SMARCC1: variants seen among roughly 807,000 people sequenced by gnomAD.
SMARCC1 encodes SWI/SNF complex subunit SMARCC1.
SMARCC1 carries 43 observed loss-of-function variants against 147.4 expected under a neutral mutation model. The observed-to-expected ratio is 0.29, with a 90% confidence interval of 0.23 to 0.38. The LOEUF (loss-of-function observed/expected upper bound fraction) is 0.38, where lower values mean the gene tolerates loss of function less well. Among genes scored for constraint, SMARCC1 ranks in the 10% least tolerant of loss-of-function variants. The pLI is 1.00. For synonymous variants in SMARCC1, 495 were observed against 484.4 expected (o/e 1.02, Z -0.29); for missense variants, 1,119 against 1,381.1 (o/e 0.81, Z 3.01).
intron 9 of SMARCC1, among the ~76,000 whole-genome samples, chr3:47,708,083 C>CTTTTTTTCTTTTTTTTTTTTT (rs1559650534): frequency 4.7e-5 from 3 of 64,270 alleles, no homozygotes; most frequent in African/African-American, 1.3e-4. Context: ...AATTTTTTTT[C>CTTTTTTTCTTTTTTTTTTTTT]TTTTTTTTTT....
chr3:47,687,327 T>C (rs1470916353), intron 13 of SMARCC1, among the ~76,000 whole-genome samples: 2 of 152,242 alleles, frequency 1.3e-5, no homozygotes, highest in South Asian at 2.1e-4. Context: ...TTAGTTAATA[T>C]ATTTTTGTGT....
chr3:47,661,479 C>G (rs761957646), intron 20 of SMARCC1, 24 bp from the exon 21 acceptor site: 139 of 1,586,028 alleles, frequency 8.8e-5, no homozygotes, highest in Non-Finnish European at 1.1e-4. Flanking sequence ...AAAAATGGAA[C>G]AGCAATCTAA....
chr3:47,693,441 C>T, intron 11 of SMARCC1, 141 bp from the exon 12 acceptor site: 1 of 606,676 alleles, frequency 1.6e-6, no homozygotes. Flanking sequence ...AGGTAAAAAT[C>T]ATAAGCCCAG....
rs2032083833 is a variant in SMARCC1, at chr3:47,587,165, T to G, written c.*1044A>C. The G allele has an allele frequency of 6.6e-6, 1 of 152,632 alleles. No homozygotes were observed. The highest frequency in any genetic ancestry group is 1.5e-5 in the Non-Finnish European group (1 of 68,042). 9.5% of individuals were successfully genotyped at this position (152,632 alleles called of 1,614,324 possible). Reference sequence around the variant, plus strand: ...CCCTGGCTACTGTAACAAGAGGTAGTTTGGGGACTTGTACCCCCAGCCATC... The same window carrying G: ...CCCTGGCTACTGTAACAAGAGGTAGGTTGGGGACTTGTACCCCCAGCCATC... On this transcript the variant is annotated 3_prime_UTR_variant, in exon 28 of 28. Transcript: ENST00000254480.
intron 7 of SMARCC1, among the ~76,000 whole-genome samples, chr3:47,718,300 C>G (rs944149630): frequency 2.0e-5 from 3 of 151,918 alleles, no homozygotes. Context: ...CAGAAATTAG[C>G]CAGGTGTGGT....
chr3:47,612,301 CT>C (rs1311974730), intron 25 of SMARCC1, among the ~76,000 whole-genome samples: 1 of 152,174 alleles, frequency 6.6e-6, no homozygotes, highest in African/African-American at 2.4e-5. Context: ...GAATTTAGGA[CT>C]CTGAATTTGC....
At chr3:47,710,880 GA>G in intron 8 of SMARCC1, 72 bp from the exon 9 acceptor site, 3 of 1,248,188 alleles carry the variant, frequency 2.4e-6, no homozygotes, top group Admixed American at 2.6e-5. Flanking sequence ...TATTGAGAAG[GA>G]AACAAGCTGA....
At chr3:47,655,692 C>T (rs1252617310) in intron 21 of SMARCC1, among the ~76,000 whole-genome samples, 1 of 151,976 alleles carries the variant, frequency 6.6e-6, no homozygotes, top group Non-Finnish European at 1.5e-5. Flanking sequence ...CAGAGCGAGA[C>T]TCTGTCTCAA....
chr3:47,635,869 A>G (rs1249298808), intron 23 of SMARCC1, among the ~76,000 whole-genome samples, 153 bp downstream of exon 23: 1 of 152,230 alleles, frequency 6.6e-6, no homozygotes, highest in African/African-American at 2.4e-5. Context: ...TAGTATTAGC[A>G]CCTATCTGAA....
intron 2 of SMARCC1, among the ~76,000 whole-genome samples, chr3:47,760,950 T>C (rs1009315721): frequency 6.6e-6 from 1 of 151,996 alleles, no homozygotes; most frequent in African/African-American, 2.4e-5. Flanking sequence ...CTAGCCAACA[T>C]GGTGAAACCC....
intron 6 of SMARCC1, among the ~76,000 whole-genome samples, chr3:47,727,408 G>A (rs1408235653): frequency 1.3e-5 from 2 of 151,842 alleles, no homozygotes; most frequent in East Asian, 1.9e-4. Flanking sequence ...TTAGGAGGCT[G>A]AGGCAGGAGA....
At chr3:47,643,752 T>C (rs1482737728) in intron 21 of SMARCC1, among the ~76,000 whole-genome samples, 2 of 152,142 alleles carry the variant, frequency 1.3e-5, no homozygotes, top group African/African-American at 4.8e-5. Flanking sequence ...AGAGAAGATA[T>C]GGAAGGAACA....
chr3:47,780,177 T>TTG (rs1553693503), intron 1 of SMARCC1, among the ~76,000 whole-genome samples: 10 of 136,614 alleles, frequency 7.3e-5, no homozygotes, highest in South Asian at 4.8e-4. Flanking sequence ...TGTTTTTTTT[T>TTG]TTTTTTTTTT....
At chr3:47,612,696 T>C (rs2032579641) in intron 25 of SMARCC1, among the ~76,000 whole-genome samples, 1 of 151,882 alleles carries the variant, frequency 6.6e-6, no homozygotes, top group African/African-American at 2.4e-5. Flanking sequence ...CTTTATTTTC[T>C]GAGTTTCATC....
chr3:47,639,452 G>A (rs1384119307), intron 21 of SMARCC1, among the ~76,000 whole-genome samples: 1 of 152,172 alleles, frequency 6.6e-6, no homozygotes, highest in Non-Finnish European at 1.5e-5. Context: ...GGCCGCTCAT[G>A]CCTGTAATCC....
chr3:47,671,331 T>C (rs2033499665), intron 18 of SMARCC1, among the ~76,000 whole-genome samples: 1 of 152,160 alleles, frequency 6.6e-6, no homozygotes, highest in Non-Finnish European at 1.5e-5. Context: ...ATTGTTTTAC[T>C]GCATACCATA....
intron 26 of SMARCC1, among the ~76,000 whole-genome samples, chr3:47,608,874 A>C (rs934880470): frequency 7.4e-6 from 1 of 134,476 alleles, no homozygotes; most frequent in South Asian, 2.4e-4. Context: ...AAAAAAAAAA[A>C]GTGTGAATTT....
intron 15 of SMARCC1, 194 bp downstream of exon 15, chr3:47,680,243 C>T (rs2033626424): frequency 1.0e-5 from 5 of 494,394 alleles, no homozygotes; most frequent in South Asian, 4.5e-5. Flanking sequence ...AAAAAAAACC[C>T]CCCAAAACAA....
intron 11 of SMARCC1, among the ~76,000 whole-genome samples, chr3:47,698,513 T>A (rs576850491): frequency 5.3e-5 from 8 of 152,176 alleles, no homozygotes; most frequent in East Asian, 3.9e-4. Flanking sequence ...CATGATTTTT[T>A]AAAAAGCAAT....
Sources: gnomAD v4.1 joint callset for allele counts (sites outside exome capture counted in the v4.1 genomes callset) on GRCh38, gnomAD v4.1.1 for gene constraint, MANE v1.5 for transcripts, NCBI Gene and HGNC (gene_info 2026-07-23, HGNC 2026-07-21) for gene names.